The following ERG variants were observed in gnomAD, a reference collection of about 807,000 sequenced individuals.
The protein encoded by ERG is ETS transcription factor ERG, also known as transcriptional regulator ERG.
In ERG, 9 loss-of-function variants were observed where a neutral mutation model predicts 55.3. The ratio of observed to expected loss-of-function variants is 0.16; its 90% CI spans 0.10 to 0.28. The LOEUF (loss-of-function observed/expected upper bound fraction) is 0.28. Among genes scored for constraint, ERG ranks in the 10% least tolerant of loss-of-function variants. ERG has a pLI of 1.00. For synonymous variants in ERG, 223 were observed against 237.3 expected (o/e 0.94, Z 0.55); for missense variants, 434 against 631.6 (o/e 0.69, Z 3.35).
chr21:38,618,932 T>A (rs2060274417), intron 1 of ERG, among the ~76,000 whole-genome samples: 1 of 152,138 alleles, frequency 6.6e-6, no homozygotes, highest in Admixed American at 6.5e-5. Context: ...TCCTGAAAAT[T>A]TAGCAAGTAC....
intron 2 of ERG, among the ~76,000 whole-genome samples, chr21:38,429,754 C>CAA: frequency 6.6e-6 from 1 of 151,560 alleles, no homozygotes; most frequent in East Asian, 1.9e-4. Flanking sequence ...TATACACACA[C>CAA]ACACACACAC....
intron 2 of ERG, among the ~76,000 whole-genome samples, chr21:38,435,766 CTG>C (rs957155550): frequency 1.3e-5 from 2 of 152,178 alleles, no homozygotes; most frequent in African/African-American, 4.8e-5. Flanking sequence ...ATCTTGAAAA[CTG>C]GAGGGAAATG....
intron 1 of ERG, among the ~76,000 whole-genome samples, chr21:38,598,142 A>G (rs1411877240): frequency 6.6e-6 from 1 of 152,186 alleles, no homozygotes; most frequent in Non-Finnish European, 1.5e-5. Context: ...TAGCACAGGA[A>G]GGAGGAGGGC....
chr21:38,541,086 T>C (rs1209920816), intron 2 of ERG, among the ~76,000 whole-genome samples: 2 of 152,200 alleles, frequency 1.3e-5, no homozygotes, highest in African/African-American at 4.8e-5. Flanking sequence ...GAAAGGGCAC[T>C]GTGGTACGTC....
At chr21:38,417,414 T>C (rs1569080669) in intron 3 of ERG, among the ~76,000 whole-genome samples, 1 of 152,250 alleles carries the variant, frequency 6.6e-6, no homozygotes, top group Non-Finnish European at 1.5e-5. Context: ...CAAGGGTCTA[T>C]GCTGAAAGTG....
At chr21:38,535,609 C>CATAT (rs1452008116) in intron 2 of ERG, among the ~76,000 whole-genome samples, 3 of 152,052 alleles carry the variant, frequency 2.0e-5, no homozygotes, top group Non-Finnish European at 4.4e-5. Flanking sequence ...ATGTGCTGGG[C>CATAT]AGCCTGGAAG....
rs1023115916 is a variant in ERG at position 38,460,334 on chromosome 21, C to T, written c.19-14713G>A. ...TCAGAGAGAAGTGGAGTCTCTCTAG[C>T]CGTCTTGGCTAAAAGCCCGGGAATT... is the stretch of plus-strand genomic sequence containing the variant. On this transcript the variant is annotated intron_variant, in intron 1 of 9. Coordinates refer to ENST00000288319, the MANE Select transcript of ERG (RefSeq NM_182918.4). The surrounding 1 kb of genome is among the most constrained non-coding windows in gnomAD (Gnocchi z 5.0). Among the ~76,000 whole-genome samples, 2 of 152,216 alleles carry T rather than the reference C, an allele frequency of 1.3e-5. No individual in the cohort carries two copies. Among genetic ancestry groups the T allele is most frequent in the Non-Finnish European group, 2.9e-5 (2 of 68,038 alleles).
At chr21:38,499,654 G>A (rs539861331), upstream of ERG, among the ~76,000 whole-genome samples, 1 of 151,758 alleles carries the variant, frequency 6.6e-6, no homozygotes, top group South Asian at 2.1e-4. Context: ...AGGTCATTCT[G>A]GCTTTTATTA....
At chr21:38,467,542 A>C (rs1052918038) in intron 1 of ERG, among the ~76,000 whole-genome samples, 4 of 152,140 alleles carry the variant, frequency 2.6e-5, no homozygotes, top group African/African-American at 9.7e-5. Flanking sequence ...GGGTACAGAG[A>C]CATGGAAATA....
intron 1 of ERG, among the ~76,000 whole-genome samples, chr21:38,620,254 G>A (rs1048880260): frequency 2.6e-5 from 4 of 152,142 alleles, no homozygotes; most frequent in East Asian, 1.9e-4. Context: ...GGTTTGGTTC[G>A]TTTGTGGGGA....
chr21:38,401,355 G>C (rs1988481953), intron 5 of ERG, among the ~76,000 whole-genome samples: 1 of 152,202 alleles, frequency 6.6e-6, no homozygotes, highest in Admixed American at 6.5e-5. Flanking sequence ...CTAAGAAGGG[G>C]AAGTAACTTC....
intron 1 of ERG, among the ~76,000 whole-genome samples, chr21:38,637,587 G>C (rs939008298): frequency 1.5e-4 from 23 of 152,070 alleles, no homozygotes; most frequent in African/African-American, 5.1e-4. Flanking sequence ...ACTGTCTACA[G>C]GATCCTAAGA....
At chr21:38,653,770 A>G (rs1428301002) in intron 1 of ERG, among the ~76,000 whole-genome samples, 2 of 152,220 alleles carry the variant, frequency 1.3e-5, no homozygotes, top group African/African-American at 4.8e-5. Flanking sequence ...CAGTCCCTGT[A>G]TGACTTATGC....
At chr21:38,391,356 G>A (rs372834209) in intron 8 of ERG, among the ~76,000 whole-genome samples, 3 of 152,148 alleles carry the variant, frequency 2.0e-5, no homozygotes, top group Admixed American at 6.5e-5. Context: ...ATCCAGGGCC[G>A]TGCAGGCTGT....
At chr21:38,395,697 G>A (rs1988179101) in intron 6 of ERG, 1 of 171,514 alleles carries the variant, frequency 5.8e-6, no homozygotes, top group South Asian at 2.0e-4. Context: ...TAGGGACTCG[G>A]CTAGTGCTGA....
At chr21:38,548,944 AC>A (rs1915523260) in intron 2 of ERG, among the ~76,000 whole-genome samples, 1 of 151,040 alleles carries the variant, frequency 6.6e-6, no homozygotes, top group Non-Finnish European at 1.5e-5. Flanking sequence ...CCCCGCCTCT[AC>A]TAAAAAAATA....
At chr21:38,642,445 T>C (rs965987857) in intron 1 of ERG, among the ~76,000 whole-genome samples, 10 of 147,790 alleles carry the variant, frequency 6.8e-5, no homozygotes, top group Non-Finnish European at 3.0e-5. Flanking sequence ...ACTGTTCATA[T>C]AGATTTCACC....
intron 1 of ERG, chr21:38,471,808 C>T (rs1035963679): frequency 1.3e-5 from 2 of 152,134 alleles, no homozygotes; most frequent in African/African-American, 4.8e-5. Context: ...AAAGTAATTC[C>T]TTTTCTAATT....
At position 38,498,092 on chromosome 21, in the gene ERG, G is replaced by A. The variant is rs779160096; in HGVS notation, c.18+271C>T. On this transcript the variant is annotated intron_variant, in intron 1 of 9. Transcript: ENST00000288319. This position sits in a 1 kb window ranked among gnomAD's most constrained non-coding sequence, Gnocchi z 4.6. Reference sequence around the variant, plus strand: ...TTAGAGAATCTGAAAATTCAGAAGCGCTCCGAAAAGCCTTTCCAAAAGTAA... The same window carrying A: ...TTAGAGAATCTGAAAATTCAGAAGCACTCCGAAAAGCCTTTCCAAAAGTAA... 6.6e-6 allele frequency among the ~76,000 whole-genome samples: 1 copy of A among 152,188 alleles called. No individual in the cohort carries two copies. Among genetic ancestry groups the A allele is most frequent in the African/African-American group, 2.4e-5 (1 of 41,444 alleles).
Sources: allele counts gnomAD v4.1 joint callset (sites outside exome capture counted in the v4.1 genomes callset), GRCh38; gene constraint gnomAD v4.1.1; non-coding constraint Gnocchi (gnomAD v3.1); transcripts MANE v1.5; gene names NCBI Gene and HGNC (gene_info 2026-07-23, HGNC 2026-07-21).